Variants in OMA1 observed in about 807,000 individuals in gnomAD.
The protein encoded by OMA1 is metalloendopeptidase OMA1, mitochondrial.
Under a neutral mutation model 30.9 loss-of-function variants are expected in OMA1, and 38 were observed. That is an observed-to-expected ratio of 1.23 (90% CI 0.95 to 1.61). OMA1 has a LOEUF of 1.61. Ranked by LOEUF, OMA1 falls within the 40% of genes most tolerant of loss-of-function variation. The probability of loss-of-function intolerance (pLI) is 0.00; values close to 1 mark genes in which losing one functional copy is unlikely to be tolerated. For missense variants in OMA1, 461 were observed against 349.2 expected (o/e 1.32, Z -2.55); for synonymous variants, 173 against 121.9 (o/e 1.42, Z -2.76).
intron 2 of OMA1, among the ~76,000 whole-genome samples, chr1:58,538,423 CTT>C (rs1204756629): frequency 6.6e-6 from 1 of 152,114 alleles, no homozygotes; most frequent in African/African-American, 2.4e-5. Flanking sequence ...TGTAAGTACT[CTT>C]CTTATACATA....
At chr1:58,483,088 C>T (rs1488241022) in intron 8 of OMA1, among the ~76,000 whole-genome samples, 1 of 152,196 alleles carries the variant, frequency 6.6e-6, no homozygotes, top group African/African-American at 2.4e-5. Context: ...AGGTACAAAA[C>T]TAGAATTCTT....
At chr1:58,484,434 G>A (rs1645540404) in intron 8 of OMA1, among the ~76,000 whole-genome samples, 1 of 152,164 alleles carries the variant, frequency 6.6e-6, no homozygotes, top group African/African-American at 2.4e-5. Flanking sequence ...AACCTTTAAT[G>A]TCACCAGTAA....
At chr1:58,509,603 A>G (rs1023973215) in intron 7 of OMA1, among the ~76,000 whole-genome samples, 4 of 151,634 alleles carry the variant, frequency 2.6e-5, no homozygotes, top group African/African-American at 9.6e-5. Context: ...CAAAAAAGAA[A>G]AAAAAAAAAG....
Position 58,524,904 on chromosome 1 carries a change from G to A in OMA1, c.1215+2357C>T, listed in dbSNP as rs543613130. Among the ~76,000 whole-genome samples, 5 of 152,296 alleles carry A rather than the reference G, an allele frequency of 3.3e-5. No individual in the cohort carries two copies. The East Asian group carries it at 9.7e-4, about 29-fold the overall frequency. On this transcript the variant is annotated intron_variant, in intron 7 of 8. Transcript: ENST00000371226. ...TACTGGAGAGAAAGCTGCTCACATG[G>A]AGATGATTAGTGTCTTCTGGTGTTT...
intron 7 of OMA1, among the ~76,000 whole-genome samples, chr1:58,507,050 G>A (rs1646000335): frequency 6.6e-6 from 1 of 151,968 alleles, no homozygotes; most frequent in Non-Finnish European, 1.5e-5. Flanking sequence ...GAATGTACCT[G>A]AGGTATCTGA....
At chr1:58,489,693 A>G (rs565839280) in intron 8 of OMA1, among the ~76,000 whole-genome samples, 47 of 152,316 alleles carry the variant, frequency 3.1e-4, no homozygotes, top group African/African-American at 1.0e-3. Flanking sequence ...GGCACCCCCC[A>G]GTAGGGGCAG....
intron 6 of OMA1, among the ~76,000 whole-genome samples, chr1:58,527,572 G>T (rs2100466372): frequency 6.6e-6 from 1 of 152,256 alleles, no homozygotes; most frequent in East Asian, 1.9e-4. Context: ...TTTCTTGACA[G>T]TCTGTAGTAT....
chr1:58,536,658 A>G lies in OMA1; in HGVS notation c.584T>C (p.Leu195Pro). The part of the protein sequence containing the change: ...KENIRKNKWK[L>P]FLGLSSFGLL... ...TCCAAAACTACTCAAACCAAGGAAT[A>G]GCTTCCATTTATTCTTCCTTATATT... Residue 195 changes from leucine to proline, a missense_variant, in exon 3 of 9, where the codon CTA becomes CCA. Physicochemically the swap from Leu to Pro is moderately conservative, Grantham distance 98. Coordinates refer to ENST00000371226, the MANE Select transcript of OMA1 (RefSeq NM_145243.5). 1 of 872,886 alleles carries G rather than the reference A, an allele frequency of 1.1e-6. No individual in the cohort carries two copies. Among genetic ancestry groups the G allele is most frequent in the Non-Finnish European group, 2.0e-6 (1 of 501,630 alleles). The allele number at this position is 872,886 out of a possible 1,614,324, so 54.1% of individuals were successfully genotyped here.
In OMA1 at chr1:58,492,455, C is replaced by CA. The variant is rs558614512; in HGVS notation, c.1366-11282dup. On this transcript the variant is annotated intron_variant, in intron 8 of 8. Transcript: ENST00000371226. ...GGAAATAGAGACACAAAAAACCCTT[C>CA]AAAAAATCAATGAATCCAGGAGTTG... Among the ~76,000 whole-genome samples, 272 of 152,092 alleles carry CA rather than the reference C, an allele frequency of 1.8e-3. 6 individuals carry two copies. The South Asian group carries it at 0.053, about 29-fold the overall frequency.
intron 8 of OMA1, among the ~76,000 whole-genome samples, chr1:58,495,438 CT>C (rs1387190706): frequency 2.6e-5 from 4 of 151,696 alleles, no homozygotes; most frequent in African/African-American, 9.7e-5. Context: ...TAATACATTC[CT>C]TTTTTTAGGA....
chr1:58,530,948 C>A (rs1197749822), intron 5 of OMA1, among the ~76,000 whole-genome samples: 1 of 152,062 alleles, frequency 6.6e-6, no homozygotes, highest in Non-Finnish European at 1.5e-5. Flanking sequence ...ATCTACTAAG[C>A]CACTTACTAT....
chr1:58,517,882 T>C lies in OMA1; in HGVS notation c.1215+9379A>G, dbSNP rs890255979. Among the ~76,000 whole-genome samples the C allele has an allele frequency of 2.6e-5, 4 of 151,768 alleles. No homozygotes were observed. In the South Asian group the frequency reaches 8.3e-4, roughly 32 times the overall value. On this transcript the variant is annotated intron_variant, in intron 7 of 8. Coordinates refer to ENST00000371226, the MANE Select transcript of OMA1 (RefSeq NM_145243.5). ...TTCTGGTCAATGTCTTCTTAAAGCC[T>C]TATCTTAAGAAAGTGAGTATCAGGC...
At chr1:58,509,451 A>G (rs1056730566) in intron 7 of OMA1, among the ~76,000 whole-genome samples, 8 of 151,908 alleles carry the variant, frequency 5.3e-5, no homozygotes, top group South Asian at 2.1e-4. Context: ...GAGACAAATG[A>G]AAATGAAAAC....
At chr1:58,536,912 A>C (rs745338933) in intron 2 of OMA1, among the ~76,000 whole-genome samples, 171 bp from the exon 3 acceptor site, 8 of 152,182 alleles carry the variant, frequency 5.3e-5, no homozygotes, top group Non-Finnish European at 1.2e-4. Flanking sequence ...ATGATGAAAA[A>C]ATAATCAATG....
intron 8 of OMA1, among the ~76,000 whole-genome samples, chr1:58,499,477 T>TATAGATAGATACATAG (rs1645863694): frequency 7.0e-6 from 1 of 143,662 alleles, no homozygotes; most frequent in African/African-American, 2.6e-5. Flanking sequence ...AAAGCCAGAC[T>TATAGATAGATACATAG]ATAGATAGAT....
intron 1 of OMA1, among the ~76,000 whole-genome samples, chr1:58,545,391 G>A (rs967784573): frequency 2.6e-5 from 4 of 152,108 alleles, no homozygotes; most frequent in African/African-American, 9.7e-5. Flanking sequence ...GTTTTGAATA[G>A]AAACAGTGCC....
intron 8 of OMA1, among the ~76,000 whole-genome samples, chr1:58,500,163 T>G (rs1645882873): frequency 6.6e-6 from 1 of 152,188 alleles, no homozygotes; most frequent in East Asian, 1.9e-4. Flanking sequence ...CAGCCTCAAG[T>G]AGATACACAT....
At chr1:58,526,311 T>G (rs1271144975) in intron 7 of OMA1, among the ~76,000 whole-genome samples, 2 of 152,140 alleles carry the variant, frequency 1.3e-5, no homozygotes, top group Non-Finnish European at 2.9e-5. Context: ...TACCTTGATT[T>G]ATGAAATTAA....
chr1:58,494,557 C>A (rs1645760645), intron 8 of OMA1, among the ~76,000 whole-genome samples: 2 of 151,946 alleles, frequency 1.3e-5, no homozygotes, highest in Non-Finnish European at 2.9e-5. Flanking sequence ...ACAATGAACT[C>A]AAACAAATTT....
Sources: gnomAD v4.1 joint callset for allele counts (sites outside exome capture counted in the v4.1 genomes callset) on GRCh38, gnomAD v4.1.1 for gene constraint, MANE v1.5 for transcripts, NCBI Gene and HGNC (gene_info 2026-07-23, HGNC 2026-07-21) for gene names.